Variants in KIRREL3 observed in about 807,000 individuals in gnomAD.
KIRREL3 encodes kirre like nephrin family adhesion molecule 3, also known as kin of IRRE-like protein 3.
In KIRREL3, 36 loss-of-function variants were observed where a neutral mutation model predicts 89.7. That is an observed-to-expected ratio of 0.40 (90% CI 0.31 to 0.53). The LOEUF is 0.53. Among genes scored for constraint, KIRREL3 ranks in the 20% least tolerant of loss-of-function variants. KIRREL3 has a pLI of 0.49. For synonymous variants in KIRREL3, 445 were observed against 441.4 expected (o/e 1.01, Z -0.10); for missense variants, 864 against 1,056.6 (o/e 0.82, Z 2.53).
At position 126,450,142 on chromosome 11, in the gene KIRREL3, T is replaced by A. The variant is rs56207274; in HGVS notation, c.849-985A>T. On this transcript the variant is annotated intron_variant, in intron 7 of 16. Coordinates refer to ENST00000525144, the MANE Select transcript of KIRREL3 (RefSeq NM_032531.4). Reference sequence around the variant, plus strand: ...CAACGGAGCCTCACAGGGGTGTATGTGTATACACATGTATGTGGGTGTATG... The same window carrying A: ...CAACGGAGCCTCACAGGGGTGTATGAGTATACACATGTATGTGGGTGTATG... Among the ~76,000 whole-genome samples the A allele has an allele frequency of 9.6e-3, 1,457 of 152,328 alleles. 5 individuals carry two copies. Among genetic ancestry groups the A allele is most frequent in the Non-Finnish European group, 0.015 (1,009 of 68,034 alleles).
Position 126,723,151 on chromosome 11 carries a change from G to A in KIRREL3, c.56-160239C>T, listed in dbSNP as rs58293058. Among the ~76,000 whole-genome samples the A allele has an allele frequency of 0.075, 11,467 of 152,146 alleles. 667 individuals carry two copies. Among genetic ancestry groups the A allele is most frequent in the African/African-American group, 0.16 (6,719 of 41,438 alleles). Reference sequence around the variant, plus strand: ...TAGGGACTGTGGTTTGTTCGTCTCCGTCCCAGGCATCTATCTCAGAGCCTG... The same window carrying A: ...TAGGGACTGTGGTTTGTTCGTCTCCATCCCAGGCATCTATCTCAGAGCCTG... On this transcript the variant is annotated intron_variant, in intron 1 of 16. Coordinates refer to ENST00000525144, the MANE Select transcript of KIRREL3 (RefSeq NM_032531.4). The surrounding 1 kb of genome is among the most constrained non-coding windows in gnomAD (Gnocchi z 4.0).
intron 1 of KIRREL3, among the ~76,000 whole-genome samples, chr11:126,850,104 G>A (rs896620049): frequency 6.6e-6 from 1 of 152,142 alleles, no homozygotes; most frequent in Admixed American, 6.5e-5. Context: ...CCTGTAATCT[G>A]GCACTGCCTG....
In KIRREL3 at chr11:126,754,695, C is replaced by T. The variant is rs769262264; in HGVS notation, c.56-191783G>A. On this transcript the variant is annotated intron_variant, in intron 1 of 16. Coordinates refer to ENST00000525144, the MANE Select transcript of KIRREL3 (RefSeq NM_032531.4). This position sits in a 1 kb window ranked among gnomAD's most constrained non-coding sequence, Gnocchi z 5.1. ...TTCTTTCTGAGTTGTCTTCTCTCTT[C>T]TCCTTCTTAATAATCTCCCGTCTAA... Among the ~76,000 whole-genome samples, 3 of 152,156 alleles carry T rather than the reference C, an allele frequency of 2.0e-5. No individual in the cohort carries two copies. Among genetic ancestry groups the T allele is most frequent in the Non-Finnish European group, 1.5e-5 (1 of 68,036 alleles).
At position 126,563,442 on chromosome 11, in the gene KIRREL3, C is replaced by A. The variant is rs114478003; in HGVS notation, c.56-530G>T. Among the ~76,000 whole-genome samples the A allele has an allele frequency of 6.6e-6, 1 of 152,064 alleles. No individual in the cohort carries two copies. The highest frequency in any genetic ancestry group is 2.4e-5 in the African/African-American group (1 of 41,392). ...ATTGCGTGAGTTTAGGGCAGCGGGG[C>A]GACACAGAGGTTAAGGTATAGGCAG... On this transcript the variant is annotated intron_variant, in intron 1 of 16. Transcript: ENST00000525144. The surrounding 1 kb of genome is among the most constrained non-coding windows in gnomAD (Gnocchi z 6.8).
rs1171559085 is a variant in KIRREL3 at position 126,783,203 on chromosome 11, C to T, written c.55+217252G>A. On this transcript the variant is annotated intron_variant, in intron 1 of 16. Coordinates refer to ENST00000525144, the MANE Select transcript of KIRREL3 (RefSeq NM_032531.4). This position sits in a 1 kb window ranked among gnomAD's most constrained non-coding sequence, Gnocchi z 4.3. ...ATCCTTCCTTGCATTGTCCTGTTTT[C>T]TGGTGATTTTTGGTATTCCTTGGCA... Among the ~76,000 whole-genome samples the T allele has an allele frequency of 6.6e-6, 1 of 152,142 alleles. No individual in the cohort carries two copies. Among genetic ancestry groups the T allele is most frequent in the East Asian group, 1.9e-4 (1 of 5,194 alleles).
intron 4 of KIRREL3, among the ~76,000 whole-genome samples, chr11:126,518,723 C>T (rs1471538317): frequency 1.3e-5 from 2 of 152,228 alleles, no homozygotes; most frequent in African/African-American, 4.8e-5. Flanking sequence ...CAGCCACTCT[C>T]TCCATTCCCC....
At chr11:126,638,544 A>G (rs1202533374) in intron 1 of KIRREL3, among the ~76,000 whole-genome samples, 2 of 152,366 alleles carry the variant, frequency 1.3e-5, no homozygotes, top group East Asian at 3.9e-4. Flanking sequence ...AGCAATATTA[A>G]CAAAAAGCTG....
chr11:126,534,731 G>A (rs1428798423), intron 2 of KIRREL3, among the ~76,000 whole-genome samples: 1 of 152,202 alleles, frequency 6.6e-6, no homozygotes, highest in Non-Finnish European at 1.5e-5. Context: ...TCAGAGGAGA[G>A]CCTGGGTCTG....
intron 1 of KIRREL3, among the ~76,000 whole-genome samples, chr11:126,902,451 C>T (rs75951838): frequency 0.062 from 9,502 of 152,190 alleles, 405 homozygotes; most frequent in Non-Finnish European, 0.084. Flanking sequence ...TATAGTTGCT[C>T]GTGACTTTAA....
chr11:126,573,143 CA>C (rs1365602476), intron 1 of KIRREL3, among the ~76,000 whole-genome samples: 1 of 152,140 alleles, frequency 6.6e-6, no homozygotes, highest in African/African-American at 2.4e-5. Context: ...GGAGGGAGGC[CA>C]GGGGACAGCA....
At chr11:126,743,096 C>T (rs758279801) in intron 1 of KIRREL3, among the ~76,000 whole-genome samples, 6 of 152,172 alleles carry the variant, frequency 3.9e-5, no homozygotes, top group Admixed American at 6.5e-5. Context: ...GGCTTGTTTT[C>T]TGCCCAATGT....
chr11:126,874,093 T>C (rs939326323), intron 1 of KIRREL3, among the ~76,000 whole-genome samples: 1 of 152,234 alleles, frequency 6.6e-6, no homozygotes, highest in Non-Finnish European at 1.5e-5. Flanking sequence ...CAACCGTTAC[T>C]TAAATGAAAC....
chr11:126,542,520 T>TA (rs1479162108), intron 2 of KIRREL3, among the ~76,000 whole-genome samples: 14 of 152,066 alleles, frequency 9.2e-5, no homozygotes, highest in Non-Finnish European at 1.8e-4. Flanking sequence ...TTTTCATACT[T>TA]AAAAAAAACA....
chr11:126,861,333 G>A (rs1565360722), intron 1 of KIRREL3, among the ~76,000 whole-genome samples: 1 of 152,088 alleles, frequency 6.6e-6, no homozygotes, highest in Non-Finnish European at 1.5e-5. Context: ...AGTATTTCCT[G>A]AACTCAGGAA....
At chr11:126,911,226 C>CT (rs1565409113) in intron 1 of KIRREL3, among the ~76,000 whole-genome samples, 2 of 152,080 alleles carry the variant, frequency 1.3e-5, no homozygotes, top group Non-Finnish European at 2.9e-5. Flanking sequence ...AGAAAGGAGA[C>CT]CAGCAAATAA....
At position 126,562,877 on chromosome 11, in the gene KIRREL3, G is replaced by T; in HGVS notation, c.91C>A (p.Leu31Met). 1 of 1,613,844 alleles carries T rather than the reference G, an allele frequency of 6.2e-7. No homozygotes were observed. The highest frequency in any genetic ancestry group is 8.5e-7 in the Non-Finnish European group (1 of 1,179,794). The change falls in exon 2 of 17, where the codon CTG (leucine) becomes ATG (methionine). Residue 31 changes from leucine (L) to methionine (M), a missense_variant. By Grantham distance (15) the Leu-to-Met change is conservative (BLOSUM62 2). Transcript: ENST00000525144. The surrounding 1 kb of genome is among the most constrained non-coding windows in gnomAD (Gnocchi z 4.7). ...AACTTGTCCTTGGCCATGTAGCCCA[G>T]CACCAGACAGCATCCTCTCTTCTGG... ...GLQKRGCCLV[L>M]GYMAKDKFRR... is the part of the protein sequence containing the mutation.
intron 1 of KIRREL3, among the ~76,000 whole-genome samples, chr11:126,871,303 A>G (rs1176913151): frequency 1.3e-5 from 2 of 152,162 alleles, no homozygotes; most frequent in Non-Finnish European, 2.9e-5. Flanking sequence ...ACCACCTTTG[A>G]GAGAAAATCA....
intron 1 of KIRREL3, among the ~76,000 whole-genome samples, chr11:126,638,401 C>A (rs1039448541): frequency 6.6e-6 from 1 of 152,214 alleles, no homozygotes; most frequent in Non-Finnish European, 1.5e-5. Context: ...CCTTAGGGCA[C>A]CCAGGAACTC....
At chr11:126,726,829 T>G (rs1948403981) in intron 1 of KIRREL3, among the ~76,000 whole-genome samples, 1 of 152,220 alleles carries the variant, frequency 6.6e-6, no homozygotes, top group Non-Finnish European at 1.5e-5. Context: ...CATCTTTGCT[T>G]TTGCCATTCC....
Sources: gnomAD v4.1 joint callset for allele counts (sites outside exome capture counted in the v4.1 genomes callset) on GRCh38, gnomAD v4.1.1 for gene constraint, Gnocchi (gnomAD v3.1) non-coding constraint, MANE v1.5 for transcripts, NCBI Gene and HGNC (gene_info 2026-07-23, HGNC 2026-07-21) for gene names.